Variants in PDZD2 observed in about 807,000 individuals in gnomAD.
PDZD2 encodes PDZ domain-containing protein 2.
Under a neutral mutation model 220.7 loss-of-function variants are expected in PDZD2, and 90 were observed. That is an observed-to-expected ratio of 0.41 (90% CI 0.34 to 0.49). The LOEUF (loss-of-function observed/expected upper bound fraction) is 0.49. PDZD2 is among the 20% of genes least tolerant of loss of function. The pLI is 0.28. For missense variants in PDZD2, 3,174 were observed against 3,608.5 expected (o/e 0.88, Z 3.08); for synonymous variants, 1,375 against 1,450.5 (o/e 0.95, Z 1.18).
At position 32,089,968 on chromosome 5, in the gene PDZD2, CTTCA is replaced by C; in HGVS notation, c.6521_6524del (p.Leu2174GlnfsTer16). On this transcript the variant is annotated frameshift_variant, in exon 20 of 25. Transcript: ENST00000438447. LOFTEE classifies it high-confidence loss of function. ...AAAACTGGCGTCCTCCTCCTCCTCC[CTTCA>C]AACAGCCATTAGAAAGGCAGAATAC... is the stretch of plus-strand genomic sequence containing the variant. 6.2e-7 allele frequency: 1 copy of C among 1,604,222 alleles called. No individual in the cohort carries two copies. Among genetic ancestry groups the C allele is most frequent in the Non-Finnish European group, 8.5e-7 (1 of 1,175,148 alleles).
intron 2 of PDZD2, among the ~76,000 whole-genome samples, chr5:31,851,891 C>G (rs976015493): frequency 6.6e-6 from 1 of 151,924 alleles, no homozygotes; most frequent in African/African-American, 2.4e-5. Context: ...GAGTCTTGCT[C>G]TCTTGCCCAG....
intron 2 of PDZD2, among the ~76,000 whole-genome samples, chr5:31,917,105 G>A (rs1044931933): frequency 2.6e-5 from 4 of 152,188 alleles, no homozygotes. Flanking sequence ...AACAGGGTGA[G>A]CCAGTTGAAG....
chr5:31,890,135 A>ATTTTTTTTT lies in PDZD2; in HGVS notation c.476+90422_476+90430dup, dbSNP rs59916833. ...CAAGGCTGGGTTGTTCTTTTTTGTG[A>ATTTTTTTTT]TTTTTTTTTTTTTTTTTTTGTGGAG... On this transcript the variant is annotated intron_variant, in intron 2 of 24. Transcript: ENST00000438447. Among the ~76,000 whole-genome samples, 225 of 98,168 alleles carry ATTTTTTTTT rather than the reference A, an allele frequency of 2.3e-3. 1 individual carries two copies. Among genetic ancestry groups the ATTTTTTTTT allele is most frequent in the Non-Finnish European group, 3.1e-3 (163 of 51,846 alleles). The allele number at this position is 98,168 out of a possible 152,430, so 64.4% of individuals were successfully genotyped here. A position where few individuals can be genotyped will look rare whatever the true frequency, so the allele number is the denominator to read the frequency against.
intron 20 of PDZD2, 51 bp from the exon 21 acceptor site, chr5:32,092,856 A>C (rs2111583011): frequency 1.1e-6 from 1 of 887,620 alleles, no homozygotes; most frequent in South Asian, 1.5e-5. Context: ...TTATAAAATG[A>C]AGAAATTGCT....
Position 31,695,129 on chromosome 5 carries a change from T to TA in PDZD2, c.-361+55704dup, listed in dbSNP as rs77583772. The stretch of plus-strand genomic sequence containing the variant: ...ACAGAGCGAGACTCCGTCTCCAAAT[T>TA]AAAAAAAAAAAAGAAAGTAAAGGAA... On this transcript the variant is annotated intron_variant, in intron 1 of 24. Coordinates refer to ENST00000438447, the MANE Select transcript of PDZD2 (RefSeq NM_178140.4). Among the ~76,000 whole-genome samples the TA allele has an allele frequency of 2.4e-3, 345 of 143,134 alleles. 2 individuals carry two copies. The highest frequency in any genetic ancestry group is 7.5e-3 in the African/African-American group (293 of 39,188). 93.9% of individuals were successfully genotyped at this position (143,134 alleles called of 152,430 possible). A position where few individuals can be genotyped will look rare whatever the true frequency, so the allele number is the denominator to read the frequency against.
chr5:31,740,324 T>C (rs1251117567), intron 1 of PDZD2, among the ~76,000 whole-genome samples: 3 of 150,180 alleles, frequency 2.0e-5, no homozygotes, highest in Non-Finnish European at 3.0e-5. Context: ...ATCGAGACCA[T>C]CCTGGCTAAC....
intron 6 of PDZD2, among the ~76,000 whole-genome samples, chr5:32,013,321 T>A (rs1169879544): frequency 8.2e-6 from 1 of 122,662 alleles, no homozygotes; most frequent in Non-Finnish European, 1.6e-5. Flanking sequence ...CTCTGTGTTA[T>A]CTTTTTTTTT....
At chr5:32,042,570 T>TCAAAAAAAAAAAAAAAAAAA (rs1756286901) in intron 7 of PDZD2, among the ~76,000 whole-genome samples, 1 of 152,114 alleles carries the variant, frequency 6.6e-6, no homozygotes, top group African/African-American at 2.4e-5. Context: ...AGACTCCATC[T>TCAAAAAAAAAAAAAAAAAAA]TAAAAAGAAA....
intron 1 of PDZD2, among the ~76,000 whole-genome samples, chr5:31,681,886 A>C (rs1308853683): frequency 6.6e-6 from 1 of 152,178 alleles, no homozygotes; most frequent in Non-Finnish European, 1.5e-5. Context: ...GAAAGGAATA[A>C]TACGTTTAAA....
chr5:31,779,522 C>T (rs925909109), intron 1 of PDZD2, among the ~76,000 whole-genome samples: 6 of 151,782 alleles, frequency 4.0e-5, no homozygotes, highest in Non-Finnish European at 8.8e-5. Context: ...TACAGGCGCC[C>T]GCCACCACGC....
At chr5:31,908,466 G>C (rs1742879956) in intron 2 of PDZD2, 1 of 862,586 alleles carries the variant, frequency 1.2e-6, no homozygotes, top group African/African-American at 1.8e-5. Context: ...TGGTCTGTAG[G>C]AGAGAGGGTA....
chr5:31,906,090 C>T (rs1446949843), intron 2 of PDZD2, among the ~76,000 whole-genome samples: 1 of 56,654 alleles, frequency 1.8e-5, no homozygotes, highest in Non-Finnish European at 4.9e-5. Flanking sequence ...GGCACCGTCT[C>T]GGCTTACTAC....
At chr5:31,926,526 GA>G (rs71300157) in intron 2 of PDZD2, among the ~76,000 whole-genome samples, 1,287 of 83,968 alleles carry the variant, frequency 0.015, 20 homozygotes, top group African/African-American at 0.049. Context: ...AACTGCATCT[GA>G]AAAAAAAAAA....
chr5:31,962,427 A>C (rs7444203), intron 2 of PDZD2, among the ~76,000 whole-genome samples: 4,430 of 152,236 alleles, frequency 0.029, 205 homozygotes, highest in African/African-American at 0.099. Context: ...AGCAGGCCTG[A>C]AGAGCTTGTC....
In PDZD2 at chr5:32,074,181, G is replaced by A; in HGVS notation, c.3075G>A (p.Leu1025=). 1 of 1,614,176 alleles carries A rather than the reference G, an allele frequency of 6.2e-7. No individual in the cohort carries two copies. Among genetic ancestry groups the A allele is most frequent in the Non-Finnish European group, 8.5e-7 (1 of 1,180,026 alleles). Residue 1025 remains leucine, a synonymous_variant, in exon 18 of 25, where the codon CTG becomes CTA. Coordinates refer to ENST00000438447, the MANE Select transcript of PDZD2 (RefSeq NM_178140.4). ...HNQEERPRKT[L]VSKAISAPLL... Reference sequence around the variant, plus strand: ...AAGAGGAACGACCCCGGAAAACACTGGTGAGCAAGGCCATCTCGGCACCTC... The same window carrying A: ...AAGAGGAACGACCCCGGAAAACACTAGTGAGCAAGGCCATCTCGGCACCTC...
Position 32,109,030 on chromosome 5 carries a change from A to G in PDZD2, c.*895A>G, listed in dbSNP as rs1211825433. The G allele has an allele frequency of 8.9e-6, 1 of 111,890 alleles. No homozygotes were observed. Among genetic ancestry groups the G allele is most frequent in the Non-Finnish European group, 2.1e-5 (1 of 47,186 alleles). The allele number at this position is 111,890 out of a possible 1,614,324, so 6.9% of individuals were successfully genotyped here. ...GACTGGTCAGTCCAAGAGCAGACAA[A>G]AATATCACAAGTCAGTCAGTCACTG... is the stretch of plus-strand genomic sequence containing the variant. On this transcript the variant is annotated 3_prime_UTR_variant, in exon 25 of 25. Transcript: ENST00000438447.
At chr5:31,884,059 A>G (rs1246693571) in intron 2 of PDZD2, among the ~76,000 whole-genome samples, 1 of 152,156 alleles carries the variant, frequency 6.6e-6, no homozygotes. Context: ...CTAAAAATAC[A>G]AAAATTAGCT....
chr5:32,029,494 A>C (rs537679478), intron 6 of PDZD2, among the ~76,000 whole-genome samples: 33 of 152,018 alleles, frequency 2.2e-4, no homozygotes, highest in African/African-American at 6.7e-4. Context: ...ACCCCAGTTT[A>C]TTTAGGGCTT....
At position 31,799,434 on chromosome 5, in the gene PDZD2, C is replaced by G. The variant is rs371280714; in HGVS notation, c.186C>G (p.Ser62Arg). 1 of 1,613,904 alleles carries G rather than the reference C, an allele frequency of 6.2e-7. No homozygotes were observed. Among genetic ancestry groups the G allele is most frequent in the Admixed American group, 1.7e-5 (1 of 60,018 alleles). ...AGAGTACGGTCCCACCTGATCACAG[C>G]CCCCCCGAAATGGAGATCTGTACTG... ...VDESTVPPDHSPPEMEICTVY... is the reference protein window; with the variant it reads ...VDESTVPPDHRPPEMEICTVY... The change falls in exon 2 of 25, where the codon AGC becomes AGG. Residue 62 changes from serine to arginine, a missense_variant. Ser to Arg is a moderately radical substitution (Grantham distance 110, BLOSUM62 -1). Transcript: ENST00000438447.
Sources: allele counts gnomAD v4.1 joint callset (sites outside exome capture counted in the v4.1 genomes callset), GRCh38; gene constraint gnomAD v4.1.1; transcripts MANE v1.5; gene names NCBI Gene and HGNC (gene_info 2026-07-23, HGNC 2026-07-21).